Variants in PRPF3 observed in about 807,000 individuals in gnomAD.
PRPF3 encodes U4/U6 small nuclear ribonucleoprotein Prp3.
A neutral mutation model predicts 89.2 loss-of-function variants in PRPF3; 3 were observed. That is an observed-to-expected ratio of 0.03 (90% CI 0.02 to 0.09). The LOEUF is 0.09. PRPF3 is among the 10% of genes least tolerant of loss of function. The pLI, the probability that PRPF3 is intolerant of heterozygous loss-of-function variation, is 1.00. For missense variants in PRPF3, 463 were observed against 828.8 expected (o/e 0.56, Z 5.42); for synonymous variants, 270 against 289.1 (o/e 0.93, Z 0.67).
chr1:150,338,347 T>A, intron 8 of PRPF3, 21 bp downstream of exon 8: 1 of 1,611,680 alleles, frequency 6.2e-7, no homozygotes, highest in Non-Finnish European at 8.5e-7. Context: ...TTTAGTACCT[T>A]TTTAAAAAAA....
At position 150,348,459 on chromosome 1, in the gene PRPF3, C is replaced by CTTTTTTTTTTTTTTTTTTTTTTTT. The variant is rs1553873583; in HGVS notation, c.1844-698_1844-697insTTTTTTTTTTTTTTTTTTTTTTTT. Among the ~76,000 whole-genome samples the CTTTTTTTTTTTTTTTTTTTTTTTT allele has an allele frequency of 1.8e-3, 63 of 34,828 alleles. 10 individuals are homozygous for CTTTTTTTTTTTTTTTTTTTTTTTT. The highest frequency in any genetic ancestry group is 5.7e-3 in the African/African-American group (61 of 10,612). 22.8% of individuals were successfully genotyped at this position (34,828 alleles called of 152,430 possible). Reference sequence around the variant, plus strand: ...TAAAAAATATTTTGTTCTACACGTGCATTTTTTTTTTTTTTTTTTTGAGAT... The same window carrying CTTTTTTTTTTTTTTTTTTTTTTTT: ...TAAAAAATATTTTGTTCTACACGTGCTTTTTTTTTTTTTTTTTTTTTTTTATTTTTTTTTTTTTTTTTTTGAGAT... On this transcript the variant is annotated intron_variant, in intron 14 of 15. Transcript: ENST00000324862.
intron 7 of PRPF3, among the ~76,000 whole-genome samples, chr1:150,335,762 C>CAT (rs1553867316): frequency 1.9e-4 from 1 of 5,402 alleles, no homozygotes; most frequent in African/African-American, 9.5e-4. Context: ...ACCGCCCCCG[C>CAT]CTTTTTTTTT....
chr1:150,331,183 C>T (rs587757999), intron 4 of PRPF3, among the ~76,000 whole-genome samples: 13 of 151,036 alleles, frequency 8.6e-5, no homozygotes, highest in East Asian at 2.0e-4. Context: ...GATTACAGAA[C>T]GTGCATCACC....
At chr1:150,350,344 G>A (rs1437603723) in intron 15 of PRPF3, among the ~76,000 whole-genome samples, 1 of 152,044 alleles carries the variant, frequency 6.6e-6, no homozygotes, top group African/African-American at 2.4e-5. Flanking sequence ...TGGAATTACA[G>A]GCATGAGCCA....
Position 150,325,138 on chromosome 1 carries a change from A to G in PRPF3, c.145+51A>G, listed in dbSNP as rs111517603. On this transcript the variant is annotated intron_variant, in intron 2 of 15. Transcript: ENST00000324862. ...CTTAACATATAGGGTGACCCCAAAC[A>G]CTGCTTTGAACTTCCTCAAAATTCT... The G allele has an allele frequency of 2.8e-4, 440 of 1,586,272 alleles. 2 individuals carry two copies. The African/African-American group carries it at 4.6e-3, about 16-fold the overall frequency.
chr1:150,332,910 T>A, intron 5 of PRPF3, 69 bp from the exon 6 acceptor site: 1 of 1,508,848 alleles, frequency 6.6e-7, no homozygotes, highest in Non-Finnish European at 9.2e-7. Flanking sequence ...TGTGTGTATA[T>A]CTGTGTGTAT....
intron 1 of PRPF3, among the ~76,000 whole-genome samples, chr1:150,323,323 C>T (rs1553862760): frequency 6.6e-6 from 1 of 151,550 alleles, no homozygotes; most frequent in African/African-American, 2.4e-5. Flanking sequence ...ATTACAGGTG[C>T]CCACCACCTC....
intron 14 of PRPF3, chr1:150,348,916 A>T (rs1658607170): frequency 1.9e-6 from 1 of 518,570 alleles, no homozygotes; most frequent in Admixed American, 3.2e-5. Context: ...TATTCCCAGT[A>T]CCTGGTGGAG....
chr1:150,335,800 G>A (rs868977536), intron 7 of PRPF3, among the ~76,000 whole-genome samples: 2 of 130,618 alleles, frequency 1.5e-5, no homozygotes, highest in Non-Finnish European at 3.1e-5. Context: ...ATGGAGTCTT[G>A]CACTGTTACC....
chr1:150,350,390 G>A (rs587665501), intron 15 of PRPF3, among the ~76,000 whole-genome samples: 3 of 151,310 alleles, frequency 2.0e-5, no homozygotes, highest in Non-Finnish European at 2.9e-5. Context: ...TAGTAGAGAC[G>A]GGGTTTCGCC....
intron 7 of PRPF3, 91 bp downstream of exon 7, chr1:150,335,332 A>G (rs895620954): frequency 6.9e-7 from 1 of 1,439,236 alleles, no homozygotes; most frequent in Non-Finnish European, 9.7e-7. Flanking sequence ...AGGAAATTAG[A>G]TAAATAGGTC....
chr1:150,352,735 G>A (rs1659070204), intron 15 of PRPF3, 98 bp from the exon 16 acceptor site: 2 of 1,314,400 alleles, frequency 1.5e-6, no homozygotes, highest in Non-Finnish European at 2.2e-6. Flanking sequence ...GTTCAGCTGG[G>A]CACATGTCTC....
rs936682081 is a variant in PRPF3 at position 150,340,447 on chromosome 1, G to A, written c.1252G>A (p.Val418Ile). 1.2e-6 allele frequency: 2 copies of A among 1,607,650 alleles called. No individual in the cohort carries two copies. The highest frequency in any genetic ancestry group is 1.7e-6 in the Non-Finnish European group (2 of 1,174,146). The change falls in exon 9 of 16, where the codon GTT becomes ATT. Residue 418 changes from valine to isoleucine, a missense_variant. Val to Ile is a conservative substitution (Grantham distance 29). Around this residue, in one of 8 missense-constraint regions of PRPF3, gnomAD observed 261 missense variants for 475.8 expected, o/e 0.55. Transcript: ENST00000324862. ...AGATTATTTTGGAATCACAAATCTT[G>A]TTGAACATCCAGCCCAGCTCAATCC... Reference protein sequence around the residue: ...REDYFGITNLVEHPAQLNPPV... With the variant: ...REDYFGITNLIEHPAQLNPPV...
At chr1:150,342,449 T>C (rs1256400711) in intron 9 of PRPF3, among the ~76,000 whole-genome samples, 5 of 152,174 alleles carry the variant, frequency 3.3e-5, no homozygotes, top group Non-Finnish European at 7.4e-5. Flanking sequence ...CTGAACTGAT[T>C]TTAATCTTAC....
chr1:150,351,588 ACTC>A (rs1658930188), intron 15 of PRPF3, among the ~76,000 whole-genome samples: 1 of 150,620 alleles, frequency 6.6e-6, no homozygotes, highest in Non-Finnish European at 1.5e-5. Context: ...ACAGCCTTGA[ACTC>A]CTAGGGACAA....
intron 1 of PRPF3, among the ~76,000 whole-genome samples, chr1:150,322,299 A>G (rs1346386347): frequency 6.6e-6 from 1 of 152,162 alleles, no homozygotes; most frequent in Non-Finnish European, 1.5e-5. Flanking sequence ...ATTGCTTGAC[A>G]CTTAGTAGTT....
chr1:150,325,128 G>A (rs782680366), intron 2 of PRPF3, 41 bp downstream of exon 2: 2 of 1,605,280 alleles, frequency 1.2e-6, no homozygotes, highest in East Asian at 2.2e-5. Flanking sequence ...CATATAGGGT[G>A]ACCCCAAACA....
Position 150,321,578 on chromosome 1 carries a change from G to C in PRPF3, c.-63G>C, listed in dbSNP as rs782791894. 1 of 152,732 alleles carries C rather than the reference G, an allele frequency of 6.5e-6. No homozygotes were observed. Among genetic ancestry groups the C allele is most frequent in the East Asian group, 1.9e-4 (1 of 5,178 alleles). The allele number at this position is 152,732 out of a possible 1,614,324, so 9.5% of individuals were successfully genotyped here. On this transcript the variant is annotated 5_prime_UTR_variant, in exon 1 of 16. Coordinates refer to ENST00000324862, the MANE Select transcript of PRPF3 (RefSeq NM_004698.4). ...GTAACGTTCGGGCTCCGTCTCAGGG[G>C]CTGAAGTTTGTGAGGTGAGTAGTGG...
chr1:150,326,623 T>G (rs1197196392), intron 3 of PRPF3, among the ~76,000 whole-genome samples: 1 of 152,064 alleles, frequency 6.6e-6, no homozygotes, highest in Non-Finnish European at 1.5e-5. Context: ...CCATTACTTT[T>G]CCTGAGGGAA....
Sources: gnomAD v4.1 joint callset for allele counts (sites outside exome capture counted in the v4.1 genomes callset) on GRCh38, gnomAD v4.1.1 for gene constraint, gnomAD v4.1.1 regional missense constraint, MANE v1.5 for transcripts, NCBI Gene and HGNC (gene_info 2026-07-23, HGNC 2026-07-21) for gene names.